IL1RAPL2: variants seen among roughly 807,000 people sequenced by gnomAD.
The protein encoded by IL1RAPL2 is interleukin 1 receptor accessory protein like 2.
Under a neutral mutation model 44.1 loss-of-function variants are expected in IL1RAPL2, and 3 were observed. The observed-to-expected ratio is 0.07, with a 90% CI of 0.03 to 0.18. The LOEUF is 0.18. IL1RAPL2 is among the 10% of genes least tolerant of loss of function. IL1RAPL2 has a pLI of 1.00. For missense variants in IL1RAPL2, 391 were observed against 496.4 expected (o/e 0.79, Z 2.02); for synonymous variants, 181 against 178.8 (o/e 1.01, Z -0.10).
chrX:104,889,346 A>T (rs1202161331), intron 2 of IL1RAPL2, among the ~76,000 whole-genome samples: 2 of 111,669 alleles, frequency 1.8e-5, no homozygotes, highest in Non-Finnish European at 3.8e-5. Context: ...ACAGGGAGCC[A>T]CTCAGTTTGA....
intron 2 of IL1RAPL2, among the ~76,000 whole-genome samples, chrX:105,076,449 T>A (rs1027040587): frequency 5.4e-5 from 6 of 111,294 alleles, no homozygotes; most frequent in Non-Finnish European, 9.4e-5. Flanking sequence ...TGCTGAGGAG[T>A]GTTTTACATC....
At chrX:105,259,388 G>A (rs1475507332) in intron 4 of IL1RAPL2, among the ~76,000 whole-genome samples, 1 of 111,393 alleles carries the variant, frequency 9.0e-6, no homozygotes, top group Non-Finnish European at 1.9e-5. Context: ...TTGCAACTTG[G>A]CACTACTGGG....
intron 1 of IL1RAPL2, among the ~76,000 whole-genome samples, chrX:104,635,489 G>A (rs1421479138): frequency 1.2e-4 from 13 of 111,831 alleles, no homozygotes; most frequent in African/African-American, 3.6e-4. Context: ...CCAATCAGAC[G>A]TAGATTTAAT....
chrX:105,694,812 G>A (rs758899623), intron 6 of IL1RAPL2, among the ~76,000 whole-genome samples: 6 of 111,584 alleles, frequency 5.4e-5, no homozygotes, highest in African/African-American at 2.0e-4. Context: ...TAAAAAGGCA[G>A]ATCCAAATAA....
At position 105,101,642 on chromosome X, in the gene IL1RAPL2, G is replaced by A. The variant is rs1447414714; in HGVS notation, c.83-93833G>A. Among the ~76,000 whole-genome samples, 6 of 106,827 alleles carry A rather than the reference G, an allele frequency of 5.6e-5. 1 individual carries two copies. In the Admixed American group the frequency reaches 6.1e-4, roughly 11 times the overall value. The allele number at this position is 106,827 out of a possible 115,157, so 92.8% of individuals were successfully genotyped here. A position where few individuals can be genotyped will look rare whatever the true frequency, so the allele number is the denominator to read the frequency against. Reference sequence around the variant, plus strand: ...AGTGTATTTGTAGCCATCTGAGCATGAATGCATGTTTCACTCCCTTTGTGA... The same window carrying A: ...AGTGTATTTGTAGCCATCTGAGCATAAATGCATGTTTCACTCCCTTTGTGA... On this transcript the variant is annotated intron_variant, in intron 2 of 10. Transcript: ENST00000372582.
Position 105,488,443 on chromosome X carries a change from C to A in IL1RAPL2, c.772+4056C>A, listed in dbSNP as rs73636232. ...GAAGTGGATCCTCCAGCCCTAGCTT[C>A]CCTGGCTTATGCCATGTAGATCACA... is the stretch of plus-strand genomic sequence containing the variant. On this transcript the variant is annotated intron_variant, in intron 6 of 10. Coordinates refer to ENST00000372582, the MANE Select transcript of IL1RAPL2 (RefSeq NM_017416.2). Among the ~76,000 whole-genome samples, 551 of 112,138 alleles carry A rather than the reference C, an allele frequency of 4.9e-3. 3 individuals are homozygous for A. Among genetic ancestry groups the A allele is most frequent in the African/African-American group, 0.017 (529 of 30,887 alleles).
intron 2 of IL1RAPL2, among the ~76,000 whole-genome samples, chrX:105,080,708 T>A (rs1171029537): frequency 8.9e-6 from 1 of 111,908 alleles, no homozygotes; most frequent in East Asian, 2.8e-4. Flanking sequence ...CGGGCTCTTT[T>A]TTGGTTCCGT....
At chrX:105,390,285 T>C (rs977725524) in intron 5 of IL1RAPL2, among the ~76,000 whole-genome samples, 4 of 111,268 alleles carry the variant, frequency 3.6e-5, no homozygotes, top group African/African-American at 1.3e-4. Flanking sequence ...ATTCTCTACC[T>C]CCCTCCTATT....
At chrX:105,245,806 T>G (rs1027735477) in intron 4 of IL1RAPL2, among the ~76,000 whole-genome samples, 3 of 112,672 alleles carry the variant, frequency 2.7e-5, no homozygotes, top group African/African-American at 9.7e-5. Context: ...AACACTCATC[T>G]ATGTGATTAG....
At chrX:105,517,098 G>C (rs947914121) in intron 6 of IL1RAPL2, among the ~76,000 whole-genome samples, 7 of 111,724 alleles carry the variant, frequency 6.3e-5, no homozygotes, top group African/African-American at 2.3e-4. Context: ...GGTGTGTTTT[G>C]AAAGGCAATG....
chrX:104,652,168 C>T (rs1443261915), intron 1 of IL1RAPL2, among the ~76,000 whole-genome samples: 2 of 111,880 alleles, frequency 1.8e-5, no homozygotes, highest in Admixed American at 9.5e-5. Flanking sequence ...TAGTCATCTC[C>T]TATACTGGCC....
intron 2 of IL1RAPL2, among the ~76,000 whole-genome samples, chrX:105,034,043 C>T (rs1035377319): frequency 8.9e-6 from 1 of 112,256 alleles, no homozygotes; most frequent in Admixed American, 9.4e-5. Context: ...GCATTCTTCA[C>T]GTAGTTCTGG....
At position 105,219,384 on chromosome X, in the gene IL1RAPL2, G is replaced by A. The variant is rs1388477620; in HGVS notation, c.357-14434G>A. ...CAGAGAAATAAGATGTGGCTGTTTC[G>A]ACCGACCGGAGATCTCCCTCCTTCT... On this transcript the variant is annotated intron_variant, in intron 3 of 10. Transcript: ENST00000372582. The A allele has an allele frequency of 8.3e-6, 10 of 1,208,353 alleles. No individual in the cohort carries two copies. In the South Asian group the frequency reaches 1.1e-4, roughly 13 times the overall value.
chrX:105,507,342 T>A (rs1244457107), intron 6 of IL1RAPL2, among the ~76,000 whole-genome samples: 4 of 111,824 alleles, frequency 3.6e-5, no homozygotes, highest in Admixed American at 9.6e-5. Context: ...ACGGCCTCAG[T>A]GAACTGTGGA....
chrX:104,703,489 T>A (rs915649917), intron 2 of IL1RAPL2, among the ~76,000 whole-genome samples: 1 of 112,032 alleles, frequency 8.9e-6, no homozygotes, highest in African/African-American at 3.2e-5. Context: ...GACTGTTTCC[T>A]TCATCAGACT....
chrX:104,687,574 A>G (rs1250375157), intron 2 of IL1RAPL2, among the ~76,000 whole-genome samples: 3 of 111,277 alleles, frequency 2.7e-5, no homozygotes, highest in South Asian at 7.8e-4. Flanking sequence ...TATCCAAACT[A>G]TATCATTCCC....
At chrX:105,179,421 T>A (rs1267505047) in intron 2 of IL1RAPL2, among the ~76,000 whole-genome samples, 1 of 112,097 alleles carries the variant, frequency 8.9e-6, no homozygotes, top group African/African-American at 3.2e-5. Context: ...AATCACGTAA[T>A]GTGATGCCTG....
chrX:104,723,627 C>CA (rs948099111), intron 2 of IL1RAPL2, among the ~76,000 whole-genome samples: 3 of 109,990 alleles, frequency 2.7e-5, no homozygotes, highest in Non-Finnish European at 3.8e-5. Flanking sequence ...TGAACAACAA[C>CA]AAAAAAATCC....
At chrX:105,714,883 G>A (rs766570598) in intron 6 of IL1RAPL2, among the ~76,000 whole-genome samples, 4 of 112,210 alleles carry the variant, frequency 3.6e-5, no homozygotes, top group Non-Finnish European at 7.5e-5. Flanking sequence ...AAGTATACTG[G>A]AATGCATATG....
Sources: allele counts gnomAD v4.1 joint callset (sites outside exome capture counted in the v4.1 genomes callset), GRCh38; gene constraint gnomAD v4.1.1; transcripts MANE v1.5; gene names NCBI Gene and HGNC (gene_info 2026-07-23, HGNC 2026-07-21).